Variants in PPFIA2 observed in about 807,000 individuals in gnomAD.
The protein encoded by PPFIA2 is liprin-alpha-2.
A neutral mutation model predicts 175.5 loss-of-function variants in PPFIA2; 46 were observed. The ratio of observed to expected loss-of-function variants is 0.26; its 90% confidence interval spans 0.21 to 0.34. PPFIA2 has a LOEUF of 0.34. Among genes scored for constraint, PPFIA2 ranks in the 10% least tolerant of loss-of-function variants. PPFIA2 has a pLI of 1.00. For synonymous variants in PPFIA2, 568 were observed against 511.4 expected (o/e 1.11, Z -1.49); for missense variants, 1,179 against 1,506.1 (o/e 0.78, Z 3.60).
At chr12:81,570,429 G>A (rs146946770) in intron 4 of PPFIA2, among the ~76,000 whole-genome samples, 3 of 152,148 alleles carry the variant, frequency 2.0e-5, no homozygotes, top group South Asian at 2.1e-4. Context: ...TTGCCAAATC[G>A]TGAAATGTGT....
intron 7 of PPFIA2, among the ~76,000 whole-genome samples, chr12:81,412,167 T>C (rs186766295): frequency 6.6e-6 from 1 of 151,954 alleles, no homozygotes; most frequent in Admixed American, 6.6e-5. Context: ...ACAAAGACCA[T>C]TAAATATCTT....
chr12:81,373,916 C>G (rs1375609558), intron 11 of PPFIA2, among the ~76,000 whole-genome samples: 1 of 151,898 alleles, frequency 6.6e-6, no homozygotes, highest in Non-Finnish European at 1.5e-5. Context: ...GTCAAACATG[C>G]TTTTAGTGAC....
At chr12:81,440,650 C>A (rs1287805247) in intron 6 of PPFIA2, among the ~76,000 whole-genome samples, 1 of 151,792 alleles carries the variant, frequency 6.6e-6, no homozygotes, top group Non-Finnish European at 1.5e-5. Flanking sequence ...AAAGGTTAAA[C>A]CATTGTATTT....
chr12:81,635,275 T>C (rs184314632), intron 4 of PPFIA2, among the ~76,000 whole-genome samples: 56 of 152,308 alleles, frequency 3.7e-4, no homozygotes, highest in Non-Finnish European at 6.5e-4. Context: ...ATTATTAAAT[T>C]TGTTGCTTTG....
chr12:81,730,916 G>C (rs1327024965), intron 3 of PPFIA2, among the ~76,000 whole-genome samples: 1 of 151,278 alleles, frequency 6.6e-6, no homozygotes, highest in Non-Finnish European at 1.5e-5. Flanking sequence ...AAAAAACCTA[G>C]AAATTTCTGA....
rs2065335508 is a variant in PPFIA2 at position 81,642,735 on chromosome 12, A to ATGTATGTATTATATACATACATGTACG, written c.303+34055_303+34056insCGTACATGTATGTATATAATACATACA. On this transcript the variant is annotated intron_variant, in intron 4 of 32. Transcript: ENST00000549396. ...GTATGTATTATATACATACATGTATATGTATGTATGTATTATATACATACA... is the reference window on the plus strand; with the variant it reads ...GTATGTATTATATACATACATGTATATGTATGTATTATATACATACATGTACGTGTATGTATGTATTATATACATACA... Among the ~76,000 whole-genome samples the ATGTATGTATTATATACATACATGTACG allele has an allele frequency of 8.5e-4, 6 of 7,084 alleles. 2 individuals carry two copies. Among genetic ancestry groups the ATGTATGTATTATATACATACATGTACG allele is most frequent in the East Asian group, 1.8e-3 (1 of 570 alleles). 4.6% of individuals were successfully genotyped at this position (7,084 alleles called of 152,430 possible). A position where few individuals can be genotyped will look rare whatever the true frequency, so the allele number is the denominator to read the frequency against.
At chr12:81,542,811 T>C (rs1373294631) in intron 4 of PPFIA2, among the ~76,000 whole-genome samples, 1 of 152,126 alleles carries the variant, frequency 6.6e-6, no homozygotes, top group Non-Finnish European at 1.5e-5. Flanking sequence ...AATGTAATCA[T>C]AAAATAGTTT....
At chr12:81,706,131 A>T (rs1320973023) in intron 3 of PPFIA2, among the ~76,000 whole-genome samples, 1 of 152,224 alleles carries the variant, frequency 6.6e-6, no homozygotes, top group African/African-American at 2.4e-5. Flanking sequence ...AAACAAGTTA[A>T]TACTATTTTT....
chr12:81,281,670 G>A (rs529513265), intron 26 of PPFIA2, among the ~76,000 whole-genome samples: 2 of 152,094 alleles, frequency 1.3e-5, no homozygotes, highest in East Asian at 3.9e-4. Flanking sequence ...TATTTACTTT[G>A]TATTCTCAAA....
At chr12:81,391,740 C>G (rs1312665972) in intron 8 of PPFIA2, among the ~76,000 whole-genome samples, 1 of 151,770 alleles carries the variant, frequency 6.6e-6, no homozygotes, top group South Asian at 2.1e-4. Context: ...CAAGCTTATA[C>G]TAGGGGAATT....
intron 8 of PPFIA2, among the ~76,000 whole-genome samples, chr12:81,388,672 A>G (rs2039486402): frequency 6.6e-6 from 1 of 152,132 alleles, no homozygotes. Flanking sequence ...TTAAAAGCCT[A>G]TAAAAACCTT....
chr12:81,278,852 T>C (rs914278188), intron 27 of PPFIA2, among the ~76,000 whole-genome samples: 1 of 152,200 alleles, frequency 6.6e-6, no homozygotes, highest in Non-Finnish European at 1.5e-5. Flanking sequence ...TAAGCAAATT[T>C]AGACATACAC....
In PPFIA2 at chr12:81,754,114, C is replaced by T; in HGVS notation, c.108G>A (p.Val36=). ...GACGATCCCTTTCATCTAGCATATT[C>T]ACCATCAGCTGCTCAAAATGGGAGT... ...DSDSHFEQLM[V]NMLDERDRLL... The change falls in exon 3 of 33, where the codon GTG becomes GTA. Residue 36 remains valine (V), a synonymous_variant. Transcript: ENST00000549396. 6.2e-7 allele frequency: 1 copy of T among 1,613,808 alleles called. No individual in the cohort carries two copies. The highest frequency in any genetic ancestry group is 8.5e-7 in the Non-Finnish European group (1 of 1,179,842).
chr12:81,368,270 T>C, intron 13 of PPFIA2: 1 of 728,762 alleles, frequency 1.4e-6, no homozygotes, highest in Non-Finnish European at 2.1e-6. Flanking sequence ...AACCCTCTAC[T>C]GGGATTGATA....
intron 28 of PPFIA2, among the ~76,000 whole-genome samples, chr12:81,269,531 C>A (rs948377655): frequency 2.6e-5 from 4 of 151,972 alleles, no homozygotes; most frequent in African/African-American, 9.7e-5. Context: ...TTATTTTATC[C>A]ATTTATAACC....
rs149668736 is a variant in PPFIA2 at position 81,552,093 on chromosome 12, A to G, written c.304-94227T>C. ...AATAATTAATTTAAAAACAATGTTT[A>G]TATAATTTCAATAATATTTATCACT... On this transcript the variant is annotated intron_variant, in intron 4 of 32. Transcript: ENST00000549396. 3.2e-3 allele frequency among the ~76,000 whole-genome samples: 485 copies of G among 151,782 alleles called. 4 individuals carry two copies. Among genetic ancestry groups the G allele is most frequent in the African/African-American group, 0.011 (464 of 41,542 alleles).
chr12:81,384,597 T>C (rs1157364103), intron 8 of PPFIA2, among the ~76,000 whole-genome samples: 1 of 151,956 alleles, frequency 6.6e-6, no homozygotes, highest in African/African-American at 2.4e-5. Context: ...TACAATGCTA[T>C]GATATAACAC....
intron 7 of PPFIA2, among the ~76,000 whole-genome samples, chr12:81,406,282 A>T (rs2042915764): frequency 6.6e-6 from 1 of 152,270 alleles, no homozygotes; most frequent in Non-Finnish European, 1.5e-5. Flanking sequence ...CTGTATTTTT[A>T]AAGTATACAA....
chr12:81,612,612 C>T (rs1241013968), intron 4 of PPFIA2, among the ~76,000 whole-genome samples: 1 of 152,084 alleles, frequency 6.6e-6, no homozygotes, highest in Non-Finnish European at 1.5e-5. Context: ...TTTTTAGACT[C>T]CACTGGGGTA....
Sources: gnomAD v4.1 joint callset for allele counts (sites outside exome capture counted in the v4.1 genomes callset) on GRCh38, gnomAD v4.1.1 for gene constraint, MANE v1.5 for transcripts, NCBI Gene and HGNC (gene_info 2026-07-23, HGNC 2026-07-21) for gene names.